The following NBEA variants were observed in gnomAD, a reference collection of about 807,000 sequenced individuals.
NBEA encodes neurobeachin.
Under a neutral mutation model 343.4 loss-of-function variants are expected in NBEA, and 44 were observed. That is an observed-to-expected ratio of 0.13 (90% confidence interval 0.10 to 0.16). The LOEUF is 0.16. Ranked by LOEUF, NBEA falls within the 10% of genes least tolerant of loss-of-function variation. The pLI is 1.00. For missense variants in NBEA, 2,555 were observed against 3,631.3 expected (o/e 0.70, Z 7.62); for synonymous variants, 1,175 against 1,238.7 (o/e 0.95, Z 1.08).
chr13:35,225,844 GAGGCCTAACAA>G (rs2074624367), intron 33 of NBEA, among the ~76,000 whole-genome samples: 1 of 152,044 alleles, frequency 6.6e-6, no homozygotes, highest in African/African-American at 2.4e-5. Context: ...GCTCTCTGAT[GAGGCCTAACAA>G]AGTTATAATT....
intron 39 of NBEA, among the ~76,000 whole-genome samples, chr13:35,451,440 A>G (rs965989543): frequency 9.9e-5 from 15 of 152,182 alleles, no homozygotes; most frequent in Non-Finnish European, 1.8e-4. Context: ...GTGTTATTAT[A>G]TATAGCAAAA....
At position 35,021,878 on chromosome 13, in the gene NBEA, CTG is replaced by C. The variant is rs1386454789; in HGVS notation, c.295-19052_295-19051del. Among the ~76,000 whole-genome samples, 9 of 152,180 alleles carry C rather than the reference CTG, an allele frequency of 5.9e-5. No individual in the cohort carries two copies. In the East Asian group the frequency reaches 1.2e-3, roughly 20 times the overall value. ...AGTTATGTTTTAAAGAGATTTCAAA[CTG>C]TGGAATTTTTTCTAAACAAGATACT... On this transcript the variant is annotated intron_variant, in intron 1 of 58. Coordinates refer to ENST00000379939, the MANE Select transcript of NBEA (RefSeq NM_001385012.1).
At chr13:35,035,852 T>G (rs1316604646) in intron 1 of NBEA, among the ~76,000 whole-genome samples, 1 of 151,802 alleles carries the variant, frequency 6.6e-6, no homozygotes, top group Non-Finnish European at 1.5e-5. Flanking sequence ...TTTGGTTTTC[T>G]TTGGCATGGG....
At chr13:34,945,166 AATG>A (rs1043176631) in intron 1 of NBEA, among the ~76,000 whole-genome samples, 1 of 152,186 alleles carries the variant, frequency 6.6e-6, no homozygotes, top group Non-Finnish European at 1.5e-5. Context: ...TTGTAACTGC[AATG>A]ATATTTGGAA....
intron 11 of NBEA, among the ~76,000 whole-genome samples, chr13:35,107,054 T>C (rs2065954903): frequency 6.6e-6 from 1 of 151,922 alleles, no homozygotes; most frequent in Non-Finnish European, 1.5e-5. Flanking sequence ...CAGATCATGT[T>C]CTTGAAATCA....
intron 44 of NBEA, among the ~76,000 whole-genome samples, chr13:35,555,994 C>T (rs73171564): frequency 0.029 from 4,393 of 151,742 alleles, 101 homozygotes; most frequent in South Asian, 0.1. Flanking sequence ...ATATTAAATG[C>T]GGGTAATATA....
At chr13:35,610,404 C>G (rs1461854407) in intron 48 of NBEA, among the ~76,000 whole-genome samples, 4 of 151,792 alleles carry the variant, frequency 2.6e-5, no homozygotes, top group Non-Finnish European at 1.5e-5. Flanking sequence ...GCAAGACCCT[C>G]TCTCAAAAAA....
intron 10 of NBEA, among the ~76,000 whole-genome samples, chr13:35,072,900 T>C (rs1427345392): frequency 2.6e-5 from 4 of 152,152 alleles, no homozygotes; most frequent in African/African-American, 7.2e-5. Context: ...ATTACAAGAA[T>C]GATACTGCTT....
At chr13:35,281,846 A>G (rs2035072066) in intron 34 of NBEA, among the ~76,000 whole-genome samples, 1 of 152,190 alleles carries the variant, frequency 6.6e-6, no homozygotes, top group South Asian at 2.1e-4. Flanking sequence ...TTGAAACTGT[A>G]TACAAATTGT....
At chr13:34,959,906 CATA>C (rs764575747) in intron 1 of NBEA, among the ~76,000 whole-genome samples, 5 of 152,078 alleles carry the variant, frequency 3.3e-5, no homozygotes, top group Non-Finnish European at 7.4e-5. Context: ...ATGTACAGTA[CATA>C]ATACTTGATA....
At chr13:35,423,575 A>G (rs1226549125) in intron 38 of NBEA, among the ~76,000 whole-genome samples, 1 of 152,194 alleles carries the variant, frequency 6.6e-6, no homozygotes, top group African/African-American at 2.4e-5. Context: ...GTTTGAAGTC[A>G]GGTAGCGTGA....
intron 1 of NBEA, among the ~76,000 whole-genome samples, chr13:34,984,804 T>C (rs2060488776): frequency 6.6e-6 from 1 of 150,976 alleles, no homozygotes; most frequent in African/African-American, 2.4e-5. Context: ...GTAGCAATTG[T>C]GAATGGGAGT....
At chr13:35,300,420 A>T (rs569169876) in intron 35 of NBEA, among the ~76,000 whole-genome samples, 1 of 152,310 alleles carries the variant, frequency 6.6e-6, no homozygotes, top group African/African-American at 2.4e-5. Flanking sequence ...TTGTTACAAA[A>T]ATTCAGAACC....
chr13:35,412,639 G>C (rs1045381458), intron 38 of NBEA, among the ~76,000 whole-genome samples: 3 of 152,048 alleles, frequency 2.0e-5, no homozygotes, highest in African/African-American at 7.2e-5. Flanking sequence ...AATGAACATA[G>C]ACATTACACA....
intron 10 of NBEA, among the ~76,000 whole-genome samples, chr13:35,092,785 C>T (rs1310458382): frequency 6.6e-6 from 1 of 151,944 alleles, no homozygotes; most frequent in Non-Finnish European, 1.5e-5. Flanking sequence ...TACAGTTTGG[C>T]AGTTTATTAT....
rs552897326 is a variant in NBEA at position 35,082,290 on chromosome 13, G to A, written c.1571+11438G>A. 7.2e-5 allele frequency among the ~76,000 whole-genome samples: 11 copies of A among 152,170 alleles called. No individual in the cohort carries two copies. In the South Asian group the frequency reaches 2.3e-3, roughly 32 times the overall value. ...GTATAGTATTCCATGGTGTATATGT[G>A]CCACATTTTCTTAATCCAGTCTATC... On this transcript the variant is annotated intron_variant, in intron 10 of 58. Transcript: ENST00000379939.
intron 16 of NBEA, among the ~76,000 whole-genome samples, chr13:35,118,723 T>C (rs2066633993): frequency 6.6e-6 from 1 of 152,020 alleles, no homozygotes; most frequent in South Asian, 2.1e-4. Flanking sequence ...AAATTGTGAA[T>C]AGAGCATTTT....
At chr13:35,661,045 C>A (rs1257757229) in intron 55 of NBEA, among the ~76,000 whole-genome samples, 1 of 152,164 alleles carries the variant, frequency 6.6e-6, no homozygotes, top group Non-Finnish European at 1.5e-5. Context: ...GTAGACTTTC[C>A]AGGGTTCCAG....
At chr13:35,284,125 C>T (rs1343076561) in intron 34 of NBEA, among the ~76,000 whole-genome samples, 1 of 152,062 alleles carries the variant, frequency 6.6e-6, no homozygotes, top group Non-Finnish European at 1.5e-5. Flanking sequence ...TACCACATGC[C>T]AGAGTTCAGT....
Sources: allele counts gnomAD v4.1 joint callset (sites outside exome capture counted in the v4.1 genomes callset), GRCh38; gene constraint gnomAD v4.1.1; transcripts MANE v1.5; gene names NCBI Gene and HGNC (gene_info 2026-07-23, HGNC 2026-07-21).